The following SIL1 variants were observed in gnomAD, a reference collection of about 807,000 sequenced individuals.
The protein encoded by SIL1 is nucleotide exchange factor SIL1.
SIL1 carries 40 observed loss-of-function variants against 49.1 expected under a neutral mutation model. That is an observed-to-expected ratio of 0.81 (90% CI 0.63 to 1.06). The LOEUF is 1.06. Ranked by LOEUF, SIL1 falls within the 50% of genes least tolerant of loss-of-function variation. SIL1 has a pLI of 0.00. For missense variants in SIL1, 500 were observed against 572.6 expected, an observed-to-expected ratio of 0.87 and a Z score of 1.29; for synonymous variants, 253 against 250.8, an observed-to-expected ratio of 1.01 and a Z score of -0.08.
intron 3 of SIL1, among the ~76,000 whole-genome samples, chr5:139,055,839 T>G (rs1024231425): frequency 1.3e-5 from 2 of 151,280 alleles, no homozygotes; most frequent in Admixed American, 6.6e-5. Flanking sequence ...CCTGACTGGT[T>G]TTCGTATTTT....
At chr5:139,056,838 C>A (rs1447875108) in intron 3 of SIL1, among the ~76,000 whole-genome samples, 1 of 151,824 alleles carries the variant, frequency 6.6e-6, no homozygotes, top group East Asian at 1.9e-4. Context: ...TCATTGAGAA[C>A]GGGCCATGAT....
intron 4 of SIL1, among the ~76,000 whole-genome samples, chr5:139,045,364 CAA>C (rs1241536923): frequency 6.6e-6 from 1 of 151,602 alleles, no homozygotes; most frequent in Non-Finnish European, 1.5e-5. Context: ...AACAAACAAA[CAA>C]AAAAAACCTC....
chr5:139,051,121 C>T, intron 3 of SIL1, 75 bp from the exon 4 acceptor site: 1 of 1,323,484 alleles, frequency 7.6e-7, no homozygotes, highest in Non-Finnish European at 1.1e-6. Context: ...AGCAAGCCAA[C>T]AGGACTTACT....
chr5:139,150,320 T>C (rs1389419019), intron 1 of SIL1, among the ~76,000 whole-genome samples: 2 of 152,024 alleles, frequency 1.3e-5, no homozygotes, highest in Non-Finnish European at 2.9e-5. Context: ...CCTCCACACG[T>C]CTCATCCTCC....
chr5:138,964,901 G>GCCATGGCT, intron 7 of SIL1, among the ~76,000 whole-genome samples: 1 of 152,346 alleles, frequency 6.6e-6, no homozygotes, highest in South Asian at 2.1e-4. Flanking sequence ...ACTTGCACAC[G>GCCATGGCT]CCATGGCTGA....
intron 7 of SIL1, among the ~76,000 whole-genome samples, chr5:138,979,216 C>G (rs905181847): frequency 4.6e-5 from 7 of 151,944 alleles, no homozygotes; most frequent in Non-Finnish European, 5.9e-5. Context: ...AGGAGTGCAC[C>G]ACCACGCCCA....
intron 3 of SIL1, among the ~76,000 whole-genome samples, chr5:139,074,934 C>T (rs1769914597): frequency 2.6e-5 from 4 of 152,144 alleles, no homozygotes; most frequent in Admixed American, 2.6e-4. Context: ...AAGCGATTCT[C>T]CTGCCTCAGC....
chr5:139,058,510 C>A (rs1213116620), intron 3 of SIL1, among the ~76,000 whole-genome samples: 1 of 152,162 alleles, frequency 6.6e-6, no homozygotes, highest in East Asian at 1.9e-4. Flanking sequence ...CTTCTTTACA[C>A]ATTTATTAAT....
intron 1 of SIL1, among the ~76,000 whole-genome samples, chr5:139,190,747 C>T (rs537921032): frequency 6.6e-6 from 1 of 152,306 alleles, no homozygotes; most frequent in East Asian, 1.9e-4. Context: ...CCTGACTCTT[C>T]ACTCATCCAC....
chr5:139,147,097 C>A (rs1751209256), intron 1 of SIL1, among the ~76,000 whole-genome samples: 1 of 152,180 alleles, frequency 6.6e-6, no homozygotes, highest in African/African-American at 2.4e-5. Context: ...GACAGACGAA[C>A]AGATAAGCAA....
At chr5:139,023,452 G>A (rs189020008) in intron 6 of SIL1, among the ~76,000 whole-genome samples, 1 of 152,302 alleles carries the variant, frequency 6.6e-6, no homozygotes, top group Admixed American at 6.5e-5. Flanking sequence ...ACAGCGAAGG[G>A]GAAAAATGGT....
intron 1 of SIL1, among the ~76,000 whole-genome samples, chr5:139,141,482 C>CAA (rs879446238): frequency 1.4e-4 from 12 of 88,356 alleles, no homozygotes; most frequent in South Asian, 3.4e-4. Context: ...TCTGTCTCTA[C>CAA]AAAAAAAAAA....
At chr5:138,988,804 TTGAA>T (rs1168880765) in intron 7 of SIL1, among the ~76,000 whole-genome samples, 1 of 151,986 alleles carries the variant, frequency 6.6e-6, no homozygotes, top group Non-Finnish European at 1.5e-5. Context: ...GCCCAGGAGG[TTGAA>T]GCTGCACTAA....
chr5:139,166,032 G>A (rs1203752764), intron 1 of SIL1, among the ~76,000 whole-genome samples: 2 of 152,006 alleles, frequency 1.3e-5, no homozygotes, highest in Non-Finnish European at 2.9e-5. Flanking sequence ...GCTGTACCCC[G>A]AACACCTTGG....
At chr5:139,127,166 A>G (rs1750770681) in intron 2 of SIL1, among the ~76,000 whole-genome samples, 1 of 152,216 alleles carries the variant, frequency 6.6e-6, no homozygotes, top group African/African-American at 2.4e-5. Flanking sequence ...AAGAACAGGG[A>G]GCTACAGACA....
intron 7 of SIL1, among the ~76,000 whole-genome samples, chr5:138,984,717 G>T (rs1464411418): frequency 6.6e-6 from 1 of 152,098 alleles, no homozygotes; most frequent in Admixed American, 6.6e-5. Flanking sequence ...TCCCAAGTGG[G>T]ATTACCAACC....
chr5:138,996,019 T>C (rs1157570114), intron 7 of SIL1, among the ~76,000 whole-genome samples: 2 of 152,252 alleles, frequency 1.3e-5, no homozygotes, highest in South Asian at 2.1e-4. Context: ...GTGATTTCTT[T>C]GATATATTGA....
chr5:138,989,133 TG>T (rs1767703190), intron 7 of SIL1, among the ~76,000 whole-genome samples: 2 of 152,358 alleles, frequency 1.3e-5, no homozygotes, highest in African/African-American at 4.8e-5. Context: ...GCCATGTGAC[TG>T]TATTACCAAA....
intron 3 of SIL1, among the ~76,000 whole-genome samples, chr5:139,092,156 G>A (rs1159635701): frequency 6.6e-6 from 1 of 152,160 alleles, no homozygotes; most frequent in Admixed American, 6.5e-5. Context: ...CTGATAAAAA[G>A]CATATGATCA....
Sources: allele counts gnomAD v4.1 joint callset (sites outside exome capture counted in the v4.1 genomes callset), GRCh38; gene constraint gnomAD v4.1.1; transcripts MANE v1.5; gene names NCBI Gene and HGNC (gene_info 2026-07-23, HGNC 2026-07-21).